The following FBN2 variants were observed in gnomAD, a reference collection of about 807,000 sequenced individuals.
The protein encoded by FBN2 is fibrillin-2.
FBN2 carries 105 observed loss-of-function variants against 355.6 expected under a neutral mutation model. The observed-to-expected ratio is 0.30, with a 90% CI of 0.25 to 0.35. FBN2 has a LOEUF of 0.35. Ranked by LOEUF, FBN2 falls within the 10% of genes least tolerant of loss-of-function variation. The pLI is 1.00. For synonymous variants in FBN2, 1,350 were observed against 1,301.2 expected, an observed-to-expected ratio of 1.04 and a Z score of -0.81; for missense variants, 3,280 against 3,758.7, an observed-to-expected ratio of 0.87 and a Z score of 3.33.
In FBN2 at chr5:128,312,571, A is replaced by C. The variant is rs1229351017; in HGVS notation, c.4879+63T>G. ...CACTCCTCACTCCCAGCTCAGGAAT[A>C]AAATGGCAACAAATCTTTAGATACC... On this transcript the variant is annotated intron_variant, in intron 37 of 64. Transcript: ENST00000262464. The C allele has an allele frequency of 1.0e-5, 16 of 1,592,436 alleles. No homozygotes were observed. The Admixed American group carries it at 2.5e-4, about 25-fold the overall frequency.
In FBN2 at chr5:128,338,028, G is replaced by A. The variant is rs945523399; in HGVS notation, c.3567C>T (p.His1189=). The A allele has an allele frequency of 2.5e-6, 4 of 1,613,990 alleles. No homozygotes were observed. Among genetic ancestry groups the A allele is most frequent in the Admixed American group, 3.3e-5 (2 of 60,004 alleles). The part of the protein sequence containing the change: ...GSFQCDCPLG[H]ELSPSREDCV... ...AGTCCTCACGGGATGGTGACAGCTC[G>A]TGTCCCAGTGGGCAGTCACACTGAA... is the stretch of plus-strand genomic sequence containing the variant. Residue 1189 remains histidine, a synonymous_variant, in exon 27 of 65, where the codon CAC becomes CAT. Coordinates refer to ENST00000262464, the MANE Select transcript of FBN2 (RefSeq NM_001999.4).
chr5:128,513,336 A>G (rs893771974), intron 5 of FBN2, among the ~76,000 whole-genome samples: 1 of 152,208 alleles, frequency 6.6e-6, no homozygotes, highest in Admixed American at 6.5e-5. Context: ...GATTACATTT[A>G]ATTTGTGTGT....
rs2126901921 is a variant in FBN2 at position 128,337,978 on chromosome 5, G to A, written c.3598+19C>T. On this transcript the variant is annotated intron_variant, in intron 27 of 64. Coordinates refer to ENST00000262464, the MANE Select transcript of FBN2 (RefSeq NM_001999.4). ...CCAGTTGTGCTGGGCAGGTTTATGT[G>A]CTGAGGAGATAAACTCACCCACACA... 1 of 1,613,562 alleles carries A rather than the reference G, an allele frequency of 6.2e-7. No homozygotes were observed. Among genetic ancestry groups the A allele is most frequent in the African/African-American group, 1.3e-5 (1 of 75,032 alleles).
chr5:128,361,838 T>TTC lies in FBN2; in HGVS notation c.2437_2438dup (p.Cys814AsnfsTer3). On this transcript the variant is annotated frameshift_variant, in exon 19 of 65. Coordinates refer to ENST00000262464, the MANE Select transcript of FBN2 (RefSeq NM_001999.4). LOFTEE classifies it high-confidence loss of function. Reference sequence around the variant, plus strand: ...CACAAAGCAGTCTGTTTACTAAACATTCATCAATGTCTGAAAGCAACGATT... The same window carrying TTC: ...CACAAAGCAGTCTGTTTACTAAACATTCTCATCAATGTCTGAAAGCAACGATT... 1 of 1,614,112 alleles carries TTC rather than the reference T, an allele frequency of 6.2e-7. No homozygotes were observed. Among genetic ancestry groups the TTC allele is most frequent in the Non-Finnish European group, 8.5e-7 (1 of 1,179,962 alleles).
chr5:128,351,788 A>G (rs905112548), intron 20 of FBN2, among the ~76,000 whole-genome samples: 2 of 151,004 alleles, frequency 1.3e-5, no homozygotes, highest in Admixed American at 1.3e-4. Flanking sequence ...CTGGTTTGGA[A>G]CTCCAGGCCT....
rs770350362 is a variant in FBN2 at position 128,289,887 on chromosome 5, C to T, written c.6506G>A (p.Arg2169His). Reference protein sequence around the residue: ...HGTVPSLHDTREDVNECLESP... With the variant: ...HGTVPSLHDTHEDVNECLESP... Reference sequence around the variant, plus strand: ...TAAAATATATCAAAGCGTACCTTCACGTGTATCATGAAGACTAGGGACAGT... The same window carrying T: ...TAAAATATATCAAAGCGTACCTTCATGTGTATCATGAAGACTAGGGACAGT... The change falls in exon 51 of 65, where the codon CGT becomes CAT. Residue 2169 changes from arginine to histidine, a missense_variant. By Grantham distance (29) the Arg-to-His change is conservative (BLOSUM62 0). This residue lies in a region of FBN2 where 2,284 missense variants were observed against 2,749.5 expected (regional missense o/e 0.83). Transcript: ENST00000262464. The T allele has an allele frequency of 1.9e-6, 3 of 1,567,006 alleles. No homozygotes were observed. The highest frequency in any genetic ancestry group is 1.1e-5 in the South Asian group (1 of 89,972).
Position 128,489,658 on chromosome 5 carries a change from GC to G in FBN2, c.629-24738del, listed in dbSNP as rs1755445424. Among the ~76,000 whole-genome samples the G allele has an allele frequency of 3.3e-5, 5 of 152,048 alleles. No individual in the cohort carries two copies. The South Asian group carries it at 1.0e-3, about 32-fold the overall frequency. ...AACAATTAAAAGATACATGCATCAG[GC>G]CCTGTTCTAACCACTCTGTGAAAAA... On this transcript the variant is annotated intron_variant, in intron 5 of 64. Coordinates refer to ENST00000262464, the MANE Select transcript of FBN2 (RefSeq NM_001999.4).
intron 57 of FBN2, among the ~76,000 whole-genome samples, 195 bp downstream of exon 57, chr5:128,278,440 A>C (rs980512388): frequency 6.6e-6 from 1 of 152,228 alleles, no homozygotes; most frequent in Non-Finnish European, 1.5e-5. Context: ...TAACTCCTAA[A>C]ATCTCTAAAG....
chr5:128,405,266 G>A (rs13355538), intron 8 of FBN2, among the ~76,000 whole-genome samples: 5,306 of 152,188 alleles, frequency 0.035, 137 homozygotes, highest in Non-Finnish European at 0.052. Flanking sequence ...GAGCATAGAA[G>A]GGGAAAAACA....
chr5:128,350,815 T>C, intron 21 of FBN2, 53 bp downstream of exon 21: 3 of 1,603,646 alleles, frequency 1.9e-6, no homozygotes, highest in Admixed American at 3.4e-5. Context: ...GGTGTCCTAG[T>C]GGCAGGAGAA....
intron 7 of FBN2, chr5:128,446,102 T>C: frequency 5.0e-6 from 1 of 199,846 alleles, no homozygotes; most frequent in Non-Finnish European, 1.0e-5. Context: ...TGCCAACTAC[T>C]AACACATCAT....
intron 33 of FBN2, among the ~76,000 whole-genome samples, chr5:128,329,075 T>C (rs1351845958): frequency 1.3e-5 from 2 of 152,180 alleles, no homozygotes; most frequent in African/African-American, 2.4e-5. Context: ...TGTAATATTA[T>C]TAATAGGAGA....
chr5:128,536,450 A>G lies in FBN2; in HGVS notation c.289T>C (p.Cys97Arg). The change falls in exon 2 of 65, where the codon TGC (cysteine) becomes CGC (arginine). Residue 97 changes from cysteine (C) to arginine (R), a missense_variant. Cys to Arg is a radical substitution (Grantham distance 180). Coordinates refer to ENST00000262464, the MANE Select transcript of FBN2 (RefSeq NM_001999.4). Reference sequence around the variant, plus strand: ...GGGAGCGTCTTCCATCCAGGGCAGCAGTAGGAGTGGAATCTGGAGCCGCAC... The same window carrying G: ...GGGAGCGTCTTCCATCCAGGGCAGCGGTAGGAGTGGAATCTGGAGCCGCAC... ...NVCGSRFHSY[C>R]CPGWKTLPGG... The G allele has an allele frequency of 6.2e-7, 1 of 1,613,414 alleles. No homozygotes were observed. Among genetic ancestry groups the G allele is most frequent in the Non-Finnish European group, 8.5e-7 (1 of 1,179,426 alleles).
intron 48 of FBN2, among the ~76,000 whole-genome samples, chr5:128,294,230 T>A (rs1749430034): frequency 6.6e-6 from 1 of 152,002 alleles, no homozygotes; most frequent in African/African-American, 2.4e-5. Flanking sequence ...CTTAATCCAG[T>A]CTATCATTGT....
chr5:128,503,817 A>G (rs1755879150), intron 5 of FBN2, among the ~76,000 whole-genome samples: 1 of 152,154 alleles, frequency 6.6e-6, no homozygotes, highest in African/African-American at 2.4e-5. Flanking sequence ...TGAGGAACCA[A>G]ATGTTAATCC....
intron 26 of FBN2, 35 bp downstream of exon 26, chr5:128,338,898 T>G (rs2126903566): frequency 6.2e-7 from 1 of 1,611,710 alleles, no homozygotes; most frequent in Admixed American, 1.7e-5. Context: ...GCTAGTATGG[T>G]TTCAAGCTGG....
At chr5:128,393,053 T>C (rs1581260070) in intron 10 of FBN2, 82 bp downstream of exon 10, 2 of 1,153,964 alleles carry the variant, frequency 1.7e-6, no homozygotes, top group Non-Finnish European at 2.6e-6. Context: ...ACAACCCTTT[T>C]GAAAAATTAA....
Position 128,465,075 on chromosome 5 carries a change from T to C in FBN2, c.629-154A>G, listed in dbSNP as rs376862145. Among the ~76,000 whole-genome samples, 120 of 152,290 alleles carry C rather than the reference T, an allele frequency of 7.9e-4. 1 individual carries two copies. The highest frequency in any genetic ancestry group is 2.7e-3 in the African/African-American group (112 of 41,558). On this transcript the variant is annotated intron_variant, in intron 5 of 64. Transcript: ENST00000262464. ...GTTTCATGTTAAAAATTCATAATTT[T>C]CCATTCATGAGAAGTACCTTAAGAG...
At chr5:128,351,256 T>A in intron 20 of FBN2, among the ~76,000 whole-genome samples, 1 of 150,630 alleles carries the variant, frequency 6.6e-6, no homozygotes. Flanking sequence ...TTAAAAGTTT[T>A]AATAGTGGGG....
Sources: allele counts gnomAD v4.1 joint callset (sites outside exome capture counted in the v4.1 genomes callset), GRCh38; gene constraint gnomAD v4.1.1; regional missense constraint gnomAD v4.1.1; transcripts MANE v1.5; gene names NCBI Gene and HGNC (gene_info 2026-07-23, HGNC 2026-07-21).